THSD7A: variants seen among roughly 807,000 people sequenced by gnomAD.
The protein encoded by THSD7A is thrombospondin type 1 domain containing 7A, also known as thrombospondin type-1 domain-containing protein 7A.
Under a neutral mutation model 231.3 loss-of-function variants are expected in THSD7A, and 96 were observed. The ratio of observed to expected loss-of-function variants is 0.41; its 90% CI spans 0.35 to 0.49. The LOEUF (loss-of-function observed/expected upper bound fraction) is 0.49, where lower values mean the gene tolerates loss of function less well. Among genes scored for constraint, THSD7A ranks in the 20% least tolerant of loss-of-function variants. The probability of loss-of-function intolerance (pLI) is 0.05; values close to 1 mark genes in which losing one functional copy is unlikely to be tolerated. For missense variants in THSD7A, 2,290 were observed against 2,070.2 expected, an observed-to-expected ratio of 1.11 and a Z score of -2.06; for synonymous variants, 940 against 743.3, an observed-to-expected ratio of 1.26 and a Z score of -4.30.
At chr7:11,438,380 G>C (rs554609278) in intron 13 of THSD7A, among the ~76,000 whole-genome samples, 5 of 151,940 alleles carry the variant, frequency 3.3e-5, no homozygotes, top group South Asian at 2.1e-4. Flanking sequence ...TTAATAATTA[G>C]TGCTATAGTG....
At chr7:11,798,987 A>G (rs780428747) in intron 1 of THSD7A, among the ~76,000 whole-genome samples, 1 of 151,866 alleles carries the variant, frequency 6.6e-6, no homozygotes, top group African/African-American at 2.4e-5. Flanking sequence ...CAGTGGCCCA[A>G]TCTTGGCTCA....
chr7:11,607,618 ATTAT>A (rs1280382415), intron 2 of THSD7A, among the ~76,000 whole-genome samples: 3 of 152,016 alleles, frequency 2.0e-5, no homozygotes, highest in East Asian at 1.9e-4. Flanking sequence ...ATTTCTTATA[ATTAT>A]TTATTTATTT....
chr7:11,644,274 G>A (rs1262412517), intron 1 of THSD7A, among the ~76,000 whole-genome samples: 1 of 151,830 alleles, frequency 6.6e-6, no homozygotes, highest in East Asian at 1.9e-4. Context: ...TAGTCCCATA[G>A]ACTGGTATCT....
At chr7:11,615,546 C>A (rs957357365) in intron 2 of THSD7A, among the ~76,000 whole-genome samples, 1 of 152,146 alleles carries the variant, frequency 6.6e-6, no homozygotes. Flanking sequence ...AACCAATATA[C>A]TAGTTTTCTA....
intron 4 of THSD7A, among the ~76,000 whole-genome samples, chr7:11,559,534 T>A (rs1473170053): frequency 1.9e-5 from 2 of 102,730 alleles, no homozygotes; most frequent in East Asian, 3.1e-4. Flanking sequence ...TATATATATA[T>A]AAATCCATAT....
intron 2 of THSD7A, among the ~76,000 whole-genome samples, chr7:11,623,396 C>T (rs937573000): frequency 2.0e-5 from 3 of 152,012 alleles, no homozygotes; most frequent in Non-Finnish European, 4.4e-5. Context: ...GCATCTCTTG[C>T]GTCTTACCCT....
At chr7:11,705,194 TA>T (rs1205330194) in intron 1 of THSD7A, among the ~76,000 whole-genome samples, 2 of 151,142 alleles carry the variant, frequency 1.3e-5, no homozygotes, top group East Asian at 3.9e-4. Context: ...ATTTGACCTT[TA>T]AACCTCAAGA....
intron 23 of THSD7A, among the ~76,000 whole-genome samples, chr7:11,383,113 A>T (rs1409146038): frequency 6.6e-6 from 1 of 151,846 alleles, no homozygotes; most frequent in Non-Finnish European, 1.5e-5. Context: ...TTTCTTTGCC[A>T]TGCTTTTAAT....
Position 11,446,107 on chromosome 7 carries a change from G to A in THSD7A, c.3018C>T (p.Tyr1006=), listed in dbSNP as rs1361446475. 8.1e-6 allele frequency: 13 copies of A among 1,613,168 alleles called. No homozygotes were observed. Among genetic ancestry groups the A allele is most frequent in the South Asian group, 2.2e-5 (2 of 91,074 alleles). ...TTTCCACAAGCCTGCCATTTTGATC[G>A]TAGCATGCCATTGCTTGGTAACGAT... The part of the protein sequence containing the change: ...QGYRYQAMAC[Y]DQNGRLVETS... The change falls in exon 13 of 28, where the codon TAC becomes TAT. Residue 1006 remains tyrosine (Y), a synonymous_variant. Transcript: ENST00000423059. The surrounding 1 kb of genome is among the most constrained non-coding windows in gnomAD (Gnocchi z 4.0).
intron 1 of THSD7A, among the ~76,000 whole-genome samples, chr7:11,683,322 C>A (rs550523735): frequency 4.0e-5 from 6 of 151,496 alleles, no homozygotes; most frequent in Admixed American, 3.3e-4. Flanking sequence ...CCTAAAGGAA[C>A]TAAAAAACAA....
intron 6 of THSD7A, among the ~76,000 whole-genome samples, chr7:11,488,719 T>C (rs777181090): frequency 5.3e-5 from 8 of 152,110 alleles, no homozygotes; most frequent in East Asian, 1.9e-4. Context: ...CTGAATACTA[T>C]AGTCTCTCCA....
Position 11,382,562 on chromosome 7 carries a change from C to T in THSD7A, c.4466G>A (p.Arg1489Gln), listed in dbSNP as rs751258832. Reference protein sequence around the residue: ...WMASAWKGSSRTVWCQRSDGI... With the variant: ...WMASAWKGSSQTVWCQRSDGI... The stretch of plus-strand genomic sequence containing the variant: ...ATCTGACCTTTGACACCACACTGTT[C>T]GGGAAGAGCCCTTCCAAGCACTGGC... Residue 1489 changes from arginine to glutamine, a missense_variant, in exon 24 of 28, where the codon CGA (arginine) becomes CAA (glutamine). Coordinates refer to ENST00000423059, the MANE Select transcript of THSD7A (RefSeq NM_015204.3). The T allele has an allele frequency of 2.5e-5, 40 of 1,612,760 alleles. No individual in the cohort carries two copies. The highest frequency in any genetic ancestry group is 3.1e-5 in the Non-Finnish European group (36 of 1,179,194).
At chr7:11,700,888 T>C (rs888003236) in intron 1 of THSD7A, among the ~76,000 whole-genome samples, 2 of 151,256 alleles carry the variant, frequency 1.3e-5, no homozygotes, top group Admixed American at 6.6e-5. Flanking sequence ...TAAAGAACTA[T>C]CTGTATTTAA....
At chr7:11,665,126 A>G (rs1438916538) in intron 1 of THSD7A, among the ~76,000 whole-genome samples, 1 of 152,098 alleles carries the variant, frequency 6.6e-6, no homozygotes. Flanking sequence ...CCAAATAAAG[A>G]AAGAAAAAAA....
intron 4 of THSD7A, among the ~76,000 whole-genome samples, chr7:11,576,181 AT>A (rs1483788933): frequency 6.6e-6 from 1 of 152,008 alleles, no homozygotes; most frequent in Admixed American, 6.6e-5. Context: ...TTCTACTAGC[AT>A]TTTTCCTTTG....
intron 4 of THSD7A, among the ~76,000 whole-genome samples, chr7:11,554,091 A>G (rs747568053): frequency 9.2e-5 from 14 of 152,088 alleles, no homozygotes; most frequent in Non-Finnish European, 1.5e-4. Flanking sequence ...GTACAATATT[A>G]CAGCCAGAAT....
intron 1 of THSD7A, among the ~76,000 whole-genome samples, chr7:11,778,156 C>CAAAAAAAAAA (rs57740181): frequency 1.5e-3 from 68 of 45,050 alleles, no homozygotes; most frequent in African/African-American, 4.5e-3. Context: ...GACTCCGTCT[C>CAAAAAAAAAA]AAAAAAAAAA....
intron 23 of THSD7A, among the ~76,000 whole-genome samples, chr7:11,393,508 C>G (rs1783065252): frequency 6.6e-6 from 1 of 152,046 alleles, no homozygotes; most frequent in East Asian, 1.9e-4. Flanking sequence ...GATGAAGAAT[C>G]ATTTTGACAA....
intron 6 of THSD7A, among the ~76,000 whole-genome samples, chr7:11,508,378 C>T (rs955494425): frequency 6.6e-5 from 10 of 152,016 alleles, no homozygotes; most frequent in Non-Finnish European, 1.3e-4. Context: ...GATACCACTT[C>T]ATACCTGTCA....
Sources: gnomAD v4.1 joint callset for allele counts (sites outside exome capture counted in the v4.1 genomes callset) on GRCh38, gnomAD v4.1.1 for gene constraint, Gnocchi (gnomAD v3.1) non-coding constraint, MANE v1.5 for transcripts, NCBI Gene and HGNC (gene_info 2026-07-23, HGNC 2026-07-21) for gene names.